The following FSTL4 variants were observed in gnomAD, a reference collection of about 807,000 sequenced individuals.
FSTL4 encodes follistatin-related protein 4.
FSTL4 carries 28 observed loss-of-function variants against 78.2 expected under a neutral mutation model. The ratio of observed to expected loss-of-function variants is 0.36; its 90% CI spans 0.27 to 0.49. The LOEUF (loss-of-function observed/expected upper bound fraction) is 0.49, where lower values mean the gene tolerates loss of function less well. Among genes scored for constraint, FSTL4 ranks in the 20% least tolerant of loss-of-function variants. The probability of loss-of-function intolerance (pLI) is 0.98; values close to 1 mark genes in which losing one functional copy is unlikely to be tolerated. For synonymous variants in FSTL4, 422 were observed against 440.5 expected (o/e 0.96, Z 0.53); for missense variants, 922 against 1,084.9 (o/e 0.85, Z 2.11).
At chr5:133,484,683 C>T (rs1188471372) in intron 3 of FSTL4, among the ~76,000 whole-genome samples, 1 of 152,190 alleles carries the variant, frequency 6.6e-6, no homozygotes, top group Non-Finnish European at 1.5e-5. Context: ...TGGTCTCTAT[C>T]GTCTCTTAAG....
At chr5:133,648,871 C>G in the FSTL4 span, among the ~76,000 whole-genome samples, 1 of 152,152 alleles carries the variant, frequency 6.6e-6, no homozygotes, top group Admixed American at 6.5e-5. Flanking sequence ...TTGACTCATC[C>G]TCATGTATGT....
chr5:133,228,818 A>G (rs937713226), intron 8 of FSTL4, among the ~76,000 whole-genome samples: 23 of 152,230 alleles, frequency 1.5e-4, no homozygotes, highest in Non-Finnish European at 2.8e-4. Flanking sequence ...GTGAAACATT[A>G]ATTTGGGAAA....
At chr5:133,384,240 G>C (rs1755646266) in intron 4 of FSTL4, among the ~76,000 whole-genome samples, 1 of 152,218 alleles carries the variant, frequency 6.6e-6, no homozygotes, top group South Asian at 2.1e-4. Flanking sequence ...GTCCAGGACA[G>C]GGACTGAGCC....
intron 1 of FSTL4, among the ~76,000 whole-genome samples, chr5:133,609,393 C>T (rs979654904): frequency 6.6e-6 from 1 of 152,188 alleles, no homozygotes; most frequent in Non-Finnish European, 1.5e-5. Flanking sequence ...GAATTCTCTT[C>T]TGCATGTCTG....
the FSTL4 span, among the ~76,000 whole-genome samples, chr5:133,762,031 T>A: frequency 3.3e-5 from 5 of 152,160 alleles, no homozygotes; most frequent in Non-Finnish European, 5.9e-5. Context: ...GCTAAGAAAC[T>A]GTGCAATTTT....
At chr5:133,800,241 C>G in the FSTL4 span, among the ~76,000 whole-genome samples, 2 of 138,126 alleles carry the variant, frequency 1.4e-5, no homozygotes, top group African/African-American at 5.3e-5. Context: ...CAAAGAGATG[C>G]AGATGGGATA....
intron 8 of FSTL4, among the ~76,000 whole-genome samples, chr5:133,229,019 T>C (rs1751414171): frequency 6.6e-6 from 1 of 152,110 alleles, no homozygotes; most frequent in Non-Finnish European, 1.5e-5. Flanking sequence ...AGTACTAAAA[T>C]ATACAAAATT....
chr5:133,298,463 T>C (rs1026643753), intron 6 of FSTL4, among the ~76,000 whole-genome samples: 9 of 152,236 alleles, frequency 5.9e-5, no homozygotes, highest in Non-Finnish European at 1.2e-4. Context: ...AGGGCCAGGC[T>C]TGTCACATCA....
the FSTL4 span, among the ~76,000 whole-genome samples, chr5:133,655,776 GA>G: frequency 1.3e-5 from 2 of 152,316 alleles, no homozygotes; most frequent in East Asian, 3.9e-4. Context: ...GGGTGTTCAG[GA>G]ATTGCAAAAG....
At chr5:133,379,320 A>G (rs1471746630) in intron 4 of FSTL4, among the ~76,000 whole-genome samples, 3 of 152,150 alleles carry the variant, frequency 2.0e-5, no homozygotes, top group African/African-American at 7.2e-5. Flanking sequence ...AGGCTTTAAT[A>G]TCTCACTTTT....
intron 2 of FSTL4, among the ~76,000 whole-genome samples, chr5:133,570,927 C>T (rs2112947650): frequency 6.6e-6 from 1 of 152,176 alleles, no homozygotes; most frequent in South Asian, 2.1e-4. Flanking sequence ...AAATAAACAT[C>T]AGAGTGCAAG....
chr5:133,821,570 G>T, the FSTL4 span, among the ~76,000 whole-genome samples: 1 of 152,170 alleles, frequency 6.6e-6, no homozygotes, highest in Non-Finnish European at 1.5e-5. Flanking sequence ...GAGTCCAGAG[G>T]CAGGAATTGG....
intron 3 of FSTL4, among the ~76,000 whole-genome samples, chr5:133,552,706 G>T (rs979956391): frequency 4.6e-5 from 7 of 152,130 alleles, no homozygotes; most frequent in Non-Finnish European, 7.4e-5. Context: ...AACAGAAATC[G>T]GGCTCAAGGG....
At position 133,549,816 on chromosome 5, in the gene FSTL4, A is replaced by G. The variant is rs1162966218; in HGVS notation, c.160+17370T>C. Among the ~76,000 whole-genome samples, 5 of 152,206 alleles carry G rather than the reference A, an allele frequency of 3.3e-5. No homozygotes were observed. The East Asian group carries it at 7.7e-4, about 23-fold the overall frequency. On this transcript the variant is annotated intron_variant, in intron 3 of 15. Coordinates refer to ENST00000265342, the MANE Select transcript of FSTL4 (RefSeq NM_015082.2). Reference sequence around the variant, plus strand: ...AGCTTAGCTTGTGGTTCCTGTTCTCAGAGGAAACATTTTGGCTCCCACTCA... The same window carrying G: ...AGCTTAGCTTGTGGTTCCTGTTCTCGGAGGAAACATTTTGGCTCCCACTCA...
chr5:133,555,999 G>T (rs1420858499), intron 3 of FSTL4, among the ~76,000 whole-genome samples: 1 of 152,160 alleles, frequency 6.6e-6, no homozygotes, highest in African/African-American at 2.4e-5. Flanking sequence ...TGAAGTTGGG[G>T]TTCTCTACTC....
chr5:133,599,869 C>T (rs765447805), intron 2 of FSTL4, among the ~76,000 whole-genome samples: 36 of 152,304 alleles, frequency 2.4e-4, no homozygotes, highest in Non-Finnish European at 5.0e-4. Context: ...CACTGCAGCA[C>T]CCAGGCCCCA....
chr5:133,796,155 T>C, the FSTL4 span, among the ~76,000 whole-genome samples: 1 of 152,232 alleles, frequency 6.6e-6, no homozygotes, highest in Admixed American at 6.5e-5. Context: ...GCTACTGGAA[T>C]GGGAGAGTTC....
At chr5:133,694,273 G>T in the FSTL4 span, among the ~76,000 whole-genome samples, 1 of 152,238 alleles carries the variant, frequency 6.6e-6, no homozygotes, top group Non-Finnish European at 1.5e-5. Flanking sequence ...CAGGCCCAGA[G>T]TGGGCCCCAT....
chr5:133,674,572 A>G, the FSTL4 span, among the ~76,000 whole-genome samples: 2 of 150,594 alleles, frequency 1.3e-5, no homozygotes, highest in African/African-American at 4.9e-5. Context: ...AGGCATACCA[A>G]GGAGACTTCC....
Sources: allele counts gnomAD v4.1 joint callset (sites outside exome capture counted in the v4.1 genomes callset), GRCh38; gene constraint gnomAD v4.1.1; transcripts MANE v1.5; gene names NCBI Gene and HGNC (gene_info 2026-07-23, HGNC 2026-07-21).